The following GRID2 variants were observed in gnomAD, a reference collection of about 807,000 sequenced individuals.
The protein encoded by GRID2 is glutamate receptor ionotropic, delta-2.
A neutral mutation model predicts 114.8 loss-of-function variants in GRID2; 33 were observed. The observed-to-expected ratio is 0.29, with a 90% CI of 0.22 to 0.38. GRID2 has a LOEUF of 0.38. Among genes scored for constraint, GRID2 ranks in the 10% least tolerant of loss-of-function variants. GRID2 has a pLI of 1.00. For missense variants in GRID2, 1,184 were observed against 1,257.7 expected (o/e 0.94, Z 0.89); for synonymous variants, 505 against 449.9 (o/e 1.12, Z -1.55).
chr4:92,461,585 T>C (rs576641278), intron 1 of GRID2, among the ~76,000 whole-genome samples: 1 of 152,018 alleles, frequency 6.6e-6, no homozygotes, highest in African/African-American at 2.4e-5. Context: ...TTGTGGATTT[T>C]ATATGAGAAT....
chr4:93,495,120 A>G (rs1727400510), intron 12 of GRID2, among the ~76,000 whole-genome samples: 1 of 151,762 alleles, frequency 6.6e-6, no homozygotes, highest in African/African-American at 2.4e-5. Context: ...AGGGATCCCA[A>G]CATCCCACCA....
At chr4:93,463,512 T>C (rs868264545) in intron 11 of GRID2, among the ~76,000 whole-genome samples, 4 of 152,294 alleles carry the variant, frequency 2.6e-5, no homozygotes, top group South Asian at 4.1e-4. Context: ...TTTCTACTTA[T>C]AAAACAAGAA....
At chr4:93,206,929 T>C (rs1167902044) in intron 4 of GRID2, among the ~76,000 whole-genome samples, 1 of 152,026 alleles carries the variant, frequency 6.6e-6, no homozygotes, top group Non-Finnish European at 1.5e-5. Flanking sequence ...GTTTACTTAG[T>C]CAAAACAGTA....
In GRID2 at chr4:93,384,704, T is replaced by A. The variant is rs116412159; in HGVS notation, c.1246-10903T>A. 5.0e-3 allele frequency among the ~76,000 whole-genome samples: 768 copies of A among 152,258 alleles called. 4 individuals carry two copies. Among genetic ancestry groups the A allele is most frequent in the Non-Finnish European group, 8.4e-3 (570 of 68,020 alleles). On this transcript the variant is annotated intron_variant, in intron 8 of 15. Transcript: ENST00000282020. Reference sequence around the variant, plus strand: ...TGTATTTACACTAATGCACGGTGGTTGTATTATTATCCACTAGATTGTTTC... The same window carrying A: ...TGTATTTACACTAATGCACGGTGGTAGTATTATTATCCACTAGATTGTTTC...
chr4:92,574,366 A>G, intron 1 of GRID2, among the ~76,000 whole-genome samples: 1 of 150,044 alleles, frequency 6.7e-6, no homozygotes, highest in East Asian at 1.9e-4. Flanking sequence ...TATTTTGTAC[A>G]CATGTTTATG....
intron 2 of GRID2, among the ~76,000 whole-genome samples, chr4:92,600,038 GTGTGTGTATATATATATATATA>G (rs1315575252): frequency 1.3e-5 from 1 of 74,818 alleles, no homozygotes; most frequent in African/African-American, 5.3e-5. Context: ...GTGTGTGTGT[GTGTGTGTATATATATATATATA>G]TATATATATA....
intron 4 of GRID2, among the ~76,000 whole-genome samples, chr4:93,196,283 A>G (rs1017418148): frequency 1.4e-4 from 21 of 152,168 alleles, no homozygotes; most frequent in African/African-American, 5.1e-4. Context: ...TGATTCAGTA[A>G]AAATTTCAAA....
chr4:93,613,584 G>A (rs1297152077), intron 13 of GRID2, among the ~76,000 whole-genome samples: 1 of 102,500 alleles, frequency 9.8e-6, no homozygotes, highest in Non-Finnish European at 2.2e-5. Context: ...TGAGGTGTCA[G>A]TGTGCCCCTG....
intron 1 of GRID2, among the ~76,000 whole-genome samples, chr4:92,350,588 G>A (rs529341895): frequency 3.2e-4 from 49 of 151,652 alleles, no homozygotes; most frequent in East Asian, 5.8e-4. Context: ...GTTTGTTGAC[G>A]TTTAAAATTT....
chr4:93,140,401 G>A (rs768626704), intron 4 of GRID2, among the ~76,000 whole-genome samples: 3 of 151,900 alleles, frequency 2.0e-5, no homozygotes, highest in Non-Finnish European at 2.9e-5. Context: ...CTCCTGATCC[G>A]CCTGCCTAGG....
chr4:93,659,137 A>C (rs776989160), intron 14 of GRID2, among the ~76,000 whole-genome samples: 15 of 152,166 alleles, frequency 9.9e-5, no homozygotes, highest in Admixed American at 2.0e-4. Context: ...CCAGGCTTCC[A>C]AGTTTTGAAA....
At chr4:92,313,009 A>C (rs1314910267) in intron 1 of GRID2, among the ~76,000 whole-genome samples, 1 of 151,980 alleles carries the variant, frequency 6.6e-6, no homozygotes. Flanking sequence ...ATAGCAGCAC[A>C]ATTCACAATA....
At chr4:92,694,098 A>G (rs1734315814) in intron 2 of GRID2, among the ~76,000 whole-genome samples, 1 of 152,198 alleles carries the variant, frequency 6.6e-6, no homozygotes. Context: ...CAAATGTGCT[A>G]TCTTAAAACT....
At chr4:93,759,960 A>G (rs371049061) in intron 14 of GRID2, among the ~76,000 whole-genome samples, 12 of 152,334 alleles carry the variant, frequency 7.9e-5, no homozygotes, top group African/African-American at 2.6e-4. Context: ...CACAGAAGCC[A>G]GAAGACCTGA....
At chr4:93,347,387 C>T (rs995437096) in intron 8 of GRID2, among the ~76,000 whole-genome samples, 2 of 151,978 alleles carry the variant, frequency 1.3e-5, no homozygotes, top group Admixed American at 6.6e-5. Context: ...AATTTTATTA[C>T]ACCTTTTAAA....
At chr4:93,723,103 A>G (rs1247577294) in intron 14 of GRID2, among the ~76,000 whole-genome samples, 1 of 152,206 alleles carries the variant, frequency 6.6e-6, no homozygotes, top group Non-Finnish European at 1.5e-5. Context: ...CATTATTCAA[A>G]GACCAAGCCA....
chr4:92,444,479 T>C (rs1161850801), intron 1 of GRID2, among the ~76,000 whole-genome samples: 1 of 152,144 alleles, frequency 6.6e-6, no homozygotes, highest in Non-Finnish European at 1.5e-5. Context: ...GGTAATGTCA[T>C]CACTTAAGGC....
intron 2 of GRID2, among the ~76,000 whole-genome samples, chr4:92,986,691 A>G (rs1168110449): frequency 5.9e-5 from 9 of 152,184 alleles, no homozygotes. Flanking sequence ...ACTTTCCTGT[A>G]AGTCTAAAAT....
rs548869955 is a variant in GRID2 at position 92,857,052 on chromosome 4, A to G, written c.245-227943A>G. On this transcript the variant is annotated intron_variant, in intron 2 of 15. Coordinates refer to ENST00000282020, the MANE Select transcript of GRID2 (RefSeq NM_001510.4). ...ACTGTTATAATTGTTTTGCAGTGCC[A>G]TTAACCACGCCCATATGATAGCAAA... Among the ~76,000 whole-genome samples, 13 of 152,338 alleles carry G rather than the reference A, an allele frequency of 8.5e-5. 1 individual carries two copies. The South Asian group carries it at 2.7e-3, about 32-fold the overall frequency.
Sources: gnomAD v4.1 joint callset for allele counts (sites outside exome capture counted in the v4.1 genomes callset) on GRCh38, gnomAD v4.1.1 for gene constraint, MANE v1.5 for transcripts, NCBI Gene and HGNC (gene_info 2026-07-23, HGNC 2026-07-21) for gene names.